Variants in ZSWIM8 observed in about 807,000 individuals in gnomAD.
The protein encoded by ZSWIM8 is zinc finger SWIM-type containing 8, also known as zinc finger SWIM domain-containing protein 8.
Under a neutral mutation model 173.7 loss-of-function variants are expected in ZSWIM8, and 27 were observed. That is an observed-to-expected ratio of 0.16 (90% CI 0.11 to 0.21). ZSWIM8 has a LOEUF of 0.21. ZSWIM8 is among the 10% of genes least tolerant of loss of function. ZSWIM8 has a pLI of 1.00. For missense variants in ZSWIM8, 1,627 were observed against 2,428.8 expected (o/e 0.67, Z 6.94); for synonymous variants, 958 against 962.0 (o/e 1.00, Z 0.08).
intron 1 of ZSWIM8, 22 bp from the exon 2 acceptor site, chr10:73,788,648 A>G (rs757089801): frequency 6.2e-7 from 1 of 1,613,236 alleles, no homozygotes; most frequent in South Asian, 1.1e-5. Context: ...CTTTCCCCTG[A>G]TCCCAACCAT....
rs200374942 is a variant in ZSWIM8, at chr10:73,791,113, G to C, written c.1080G>C (p.Arg360=). ...GCATTGTGCGGGAGATGTTCAAGCG[G>C]AGGGACAGCAATGCTGCCCCCTTGT... ...LLSIVREMFK[R]RDSNAAPLLE... is the part of the protein sequence containing the mutation. Residue 360 remains arginine (R), a synonymous_variant, in exon 8 of 26, where the codon CGG becomes CGC. Coordinates refer to ENST00000604729, the MANE Select transcript of ZSWIM8 (RefSeq NM_001367799.1). The surrounding 1 kb of genome is among the most constrained non-coding windows in gnomAD (Gnocchi z 6.0). 1 of 1,613,866 alleles carries C rather than the reference G, an allele frequency of 6.2e-7. No homozygotes were observed. Among genetic ancestry groups the C allele is most frequent in the East Asian group, 2.2e-5 (1 of 44,878 alleles).
chr10:73,794,261 C>T lies in ZSWIM8; in HGVS notation c.2740C>T (p.Leu914Phe), dbSNP rs754036352. 1.2e-6 allele frequency: 2 copies of T among 1,614,028 alleles called. No individual in the cohort carries two copies. Among genetic ancestry groups the T allele is most frequent in the Admixed American group, 1.7e-5 (1 of 60,024 alleles). Residue 914 changes from leucine to phenylalanine, a missense_variant, in exon 13 of 26, where the codon CTC becomes TTC. Coordinates refer to ENST00000604729, the MANE Select transcript of ZSWIM8 (RefSeq NM_001367799.1). ...GGCAGAGGAACTTCGGGAGGGGACA[C>T]TCTGTGACTATCGGCCTGTGTTGCC... ...CRAEELREGT[L>F]CDYRPVLPLM...
chr10:73,800,787 G>GCCCC lies in ZSWIM8; in HGVS notation c.5122+35_5122+38dup. On this transcript the variant is annotated intron_variant, in intron 24 of 25. Coordinates refer to ENST00000604729, the MANE Select transcript of ZSWIM8 (RefSeq NM_001367799.1). This position sits in a 1 kb window ranked among gnomAD's most constrained non-coding sequence, Gnocchi z 4.1. ...AACACCTCCCCTCCCTAGGACCATTGCCCCCCCCCCACCTGCTCTCCCCAC... is the reference window on the plus strand; with the variant it reads ...AACACCTCCCCTCCCTAGGACCATTGCCCCCCCCCCCCCCACCTGCTCTCCCCAC... 3 of 1,322,136 alleles carry GCCCC rather than the reference G, an allele frequency of 2.3e-6. No homozygotes were observed. Among genetic ancestry groups the GCCCC allele is most frequent in the Non-Finnish European group, 3.1e-6 (3 of 973,062 alleles). The allele number at this position is 1,322,136 out of a possible 1,614,324, so 81.9% of individuals were successfully genotyped here. A position where few individuals can be genotyped will look rare whatever the true frequency, so the allele number is the denominator to read the frequency against.
chr10:73,789,415 A>G lies in ZSWIM8; in HGVS notation c.506A>G (p.Lys169Arg). 6.3e-7 allele frequency: 1 copy of G among 1,588,392 alleles called. No homozygotes were observed. Among genetic ancestry groups the G allele is most frequent in the Non-Finnish European group, 8.6e-7 (1 of 1,167,332 alleles). ...GTGCCACCTCAGATGGTCCCTCCTA[A>G]AGGGGCCTACAACGTGGCTGTGATG... is the stretch of plus-strand genomic sequence containing the variant. ...TVVPPQMVPP[K>R]GAYNVAVMFD... The change falls in exon 4 of 26, where the codon AAA becomes AGA. Residue 169 changes from lysine (K) to arginine (R), a missense_variant. This residue lies in a region of ZSWIM8 where 16 missense variants were observed against 16.7 expected (regional missense o/e 0.96). Transcript: ENST00000604729. The surrounding 1 kb of genome is among the most constrained non-coding windows in gnomAD (Gnocchi z 6.8).
rs543921998 is a variant in ZSWIM8, at chr10:73,792,498, C to G, written c.1959C>G (p.Ser653=). 2.5e-6 allele frequency: 4 copies of G among 1,613,322 alleles called. No individual in the cohort carries two copies. Among genetic ancestry groups the G allele is most frequent in the Non-Finnish European group, 8.5e-7 (1 of 1,179,586 alleles). ...CACCCTGTCCTCTCCACGGTGGCTC[C>G]CGAGGCCCTTCCACTTTCCTTCCTG... is the stretch of plus-strand genomic sequence containing the variant. ...SPPPCPLHGG[S]RGPSTFLPEP... Residue 653 remains serine, a synonymous_variant, in exon 10 of 26, where the codon TCC becomes TCG. Coordinates refer to ENST00000604729, the MANE Select transcript of ZSWIM8 (RefSeq NM_001367799.1). This position sits in a 1 kb window ranked among gnomAD's most constrained non-coding sequence, Gnocchi z 4.3.
chr10:73,791,521 C>T lies in ZSWIM8; in HGVS notation c.1319+22C>T, dbSNP rs375280581. ...AGCGGTGAGTCTCCCCTGAGGCTCA[C>T]CACAGAACTGAGCCTGGGCCAGCTC... On this transcript the variant is annotated intron_variant, in intron 9 of 25. Coordinates refer to ENST00000604729, the MANE Select transcript of ZSWIM8 (RefSeq NM_001367799.1). This position sits in a 1 kb window ranked among gnomAD's most constrained non-coding sequence, Gnocchi z 6.0. 77 of 1,571,346 alleles carry T rather than the reference C, an allele frequency of 4.9e-5. No individual in the cohort carries two copies. Among genetic ancestry groups the T allele is most frequent in the Non-Finnish European group, 4.3e-5 (49 of 1,152,724 alleles).
Position 73,788,842 on chromosome 10 carries a change from T to C in ZSWIM8, c.362+19T>C, listed in dbSNP as rs760212906. On this transcript the variant is annotated intron_variant, in intron 2 of 25. Transcript: ENST00000604729. Reference sequence around the variant, plus strand: ...ACATTCGGTGAGGCCAAAGGACTGATGGTGGGGAGCGGGGTCCTGATACTC... The same window carrying C: ...ACATTCGGTGAGGCCAAAGGACTGACGGTGGGGAGCGGGGTCCTGATACTC... 6.2e-7 allele frequency: 1 copy of C among 1,612,708 alleles called. No individual in the cohort carries two copies. The highest frequency in any genetic ancestry group is 8.5e-7 in the Non-Finnish European group (1 of 1,179,634).
At position 73,789,848 on chromosome 10, in the gene ZSWIM8, C is replaced by T; in HGVS notation, c.738+24C>T. On this transcript the variant is annotated intron_variant, in intron 5 of 25. Transcript: ENST00000604729. This position sits in a 1 kb window ranked among gnomAD's most constrained non-coding sequence, Gnocchi z 6.8. Reference sequence around the variant, plus strand: ...AGGTGGGTGAGGTCGGCACCCCCTCCTGCAATTAGCTCCGGGCCAGGCCGC... The same window carrying T: ...AGGTGGGTGAGGTCGGCACCCCCTCTTGCAATTAGCTCCGGGCCAGGCCGC... 6.3e-7 allele frequency: 1 copy of T among 1,589,890 alleles called. No homozygotes were observed. Among genetic ancestry groups the T allele is most frequent in the Non-Finnish European group, 8.6e-7 (1 of 1,167,490 alleles).
rs1368733872 is a variant in ZSWIM8, at chr10:73,800,166, G to C, written c.4821G>C (p.Val1607=). The C allele has an allele frequency of 6.2e-7, 1 of 1,613,640 alleles. No individual in the cohort carries two copies. The highest frequency in any genetic ancestry group is 8.5e-7 in the Non-Finnish European group (1 of 1,179,816). The change falls in exon 22 of 26, where the codon GTG becomes GTC. Residue 1607 remains valine, a synonymous_variant. Transcript: ENST00000604729. The surrounding 1 kb of genome is among the most constrained non-coding windows in gnomAD (Gnocchi z 4.1). ...CAGGGCTTCCACTGCCCACCAGTGTGGCCTGTGAGTTGTGGGGCCAGGGAA... is the reference window on the plus strand; with the variant it reads ...CAGGGCTTCCACTGCCCACCAGTGTCGCCTGTGAGTTGTGGGGCCAGGGAA... ...TEPGLPLPTS[V]ALSSVHPAST...
chr10:73,800,246 TTG>T lies in ZSWIM8; in HGVS notation c.4826-48_4826-47del, dbSNP rs761050810. ...AGGGGAGGTGGGGAGGGAATGTTCT[TTG>T]TCTCTCTTTGGGCTCTGAGTTCCTC... On this transcript the variant is annotated intron_variant, in intron 22 of 25. Transcript: ENST00000604729. This position sits in a 1 kb window ranked among gnomAD's most constrained non-coding sequence, Gnocchi z 4.1. 6.2e-7 allele frequency: 1 copy of T among 1,611,286 alleles called. No individual in the cohort carries two copies. Among genetic ancestry groups the T allele is most frequent in the South Asian group, 1.1e-5 (1 of 90,936 alleles).
chr10:73,799,074 G>A lies in ZSWIM8; in HGVS notation c.4249G>A (p.Val1417Met). 1 of 1,613,956 alleles carries A rather than the reference G, an allele frequency of 6.2e-7. No individual in the cohort carries two copies. The highest frequency in any genetic ancestry group is 8.5e-7 in the Non-Finnish European group (1 of 1,179,860). ...TAAGGGTGGGGGCGTGTACCCTGAA[G>A]TGTTGTTTGAGGTTGCTCACCAGTG... ...AAKGGGVYPEVLFEVAHQWFW... is the reference protein window; with the variant it reads ...AAKGGGVYPEMLFEVAHQWFW... The change falls in exon 21 of 26, where the codon GTG becomes ATG. Residue 1417 changes from valine to methionine, a missense_variant. Coordinates refer to ENST00000604729, the MANE Select transcript of ZSWIM8 (RefSeq NM_001367799.1).
Position 73,791,766 on chromosome 10 carries a change from C to T in ZSWIM8, c.1320-93C>T. The T allele has an allele frequency of 7.0e-7, 1 of 1,425,298 alleles. No homozygotes were observed. Among genetic ancestry groups the T allele is most frequent in the Non-Finnish European group, 9.3e-7 (1 of 1,078,976 alleles). The allele number at this position is 1,425,298 out of a possible 1,614,324, so 88.3% of individuals were successfully genotyped here. ...GGGTCAAGAAGTACTTTCCTGTATC[C>T]TTTCCCCATGCCTCTCTTTGGGGTG... is the stretch of plus-strand genomic sequence containing the variant. On this transcript the variant is annotated intron_variant, in intron 9 of 25. Transcript: ENST00000604729. This position sits in a 1 kb window ranked among gnomAD's most constrained non-coding sequence, Gnocchi z 6.0.
intron 7 of ZSWIM8, among the ~76,000 whole-genome samples, chr10:73,790,599 A>C (rs369442250): frequency 2.2e-4 from 34 of 152,262 alleles, no homozygotes; most frequent in African/African-American, 7.5e-4. Context: ...CTATAATCCC[A>C]GCATTTTGGG....
intron 14 of ZSWIM8, 38 bp from the exon 15 acceptor site, chr10:73,795,501 G>A (rs1293224907): frequency 2.5e-6 from 4 of 1,611,340 alleles, no homozygotes; most frequent in Non-Finnish European, 2.5e-6. Context: ...TGGGAATTAT[G>A]ACTACTCTCA....
Position 73,792,706 on chromosome 10 carries a change from G to A in ZSWIM8, c.2167G>A (p.Gly723Arg). The part of the protein sequence containing the change: ...PKTKEAAPAV[G>R]EEDDDYQAYY... ...AACCAAAGAGGCAGCCCCTGCAGTTGGAGAGGAGGATGATGACTACCAGGC... is the reference window on the plus strand; with the variant it reads ...AACCAAAGAGGCAGCCCCTGCAGTTAGAGAGGAGGATGATGACTACCAGGC... Residue 723 changes from glycine to arginine, a missense_variant, in exon 10 of 26, where the codon GGA becomes AGA. Around this residue, in one of 18 missense-constraint regions of ZSWIM8, gnomAD observed 383 missense variants for 394.8 expected, o/e 0.97. Coordinates refer to ENST00000604729, the MANE Select transcript of ZSWIM8 (RefSeq NM_001367799.1). The surrounding 1 kb of genome is among the most constrained non-coding windows in gnomAD (Gnocchi z 4.3). 6.2e-7 allele frequency: 1 copy of A among 1,613,990 alleles called. No homozygotes were observed. Among genetic ancestry groups the A allele is most frequent in the East Asian group, 2.2e-5 (1 of 44,880 alleles).
At chr10:73,786,168 C>T in intron 1 of ZSWIM8, 82 bp downstream of exon 1, 3 of 1,359,760 alleles carry the variant, frequency 2.2e-6, no homozygotes, top group Non-Finnish European at 2.9e-6. Context: ...GGAGCTGTCC[C>T]CGACCAAGAG....
At chr10:73,799,904 C>CTCTA (rs60276651) in intron 21 of ZSWIM8, 107 bp from the exon 22 acceptor site, 576,481 of 1,128,976 alleles carry the variant, frequency 0.51, 160,385 homozygotes, top group Middle Eastern at 0.68. Context: ...CAGAGCGAGA[C>CTCTA]TCTATCTCAA....
At position 73,798,404 on chromosome 10, in the gene ZSWIM8, C is replaced by A. The variant is rs2083764181; in HGVS notation, c.4127C>A (p.Ala1376Glu). 1 of 1,613,884 alleles carries A rather than the reference C, an allele frequency of 6.2e-7. No individual in the cohort carries two copies. Among genetic ancestry groups the A allele is most frequent in the African/African-American group, 1.3e-5 (1 of 74,916 alleles). ...CTGAGCTGCCTGCCTCACGCCCATG[C>A]ATTGAACCCTAATGAGATCCAGCGG... ...LALSCLPHAHALNPNEIQRAL... is the reference protein window; with the variant it reads ...LALSCLPHAHELNPNEIQRAL... Residue 1376 changes from alanine to glutamate, a missense_variant, in exon 20 of 26, where the codon GCA becomes GAA. By Grantham distance (107) the Ala-to-Glu change is moderately radical. Transcript: ENST00000604729.
At chr10:73,795,736 T>A in intron 15 of ZSWIM8, 73 bp downstream of exon 15, 1 of 1,521,456 alleles carries the variant, frequency 6.6e-7, no homozygotes, top group Non-Finnish European at 8.8e-7. Flanking sequence ...GGCGGGCAGA[T>A]GGCTTGAGCC....
Sources: allele counts gnomAD v4.1 joint callset (sites outside exome capture counted in the v4.1 genomes callset), GRCh38; gene constraint gnomAD v4.1.1; regional missense constraint gnomAD v4.1.1; non-coding constraint Gnocchi (gnomAD v3.1); transcripts MANE v1.5; gene names NCBI Gene and HGNC (gene_info 2026-07-23, HGNC 2026-07-21).